The following HNRNPU variants were observed in gnomAD, a reference collection of about 807,000 sequenced individuals.
HNRNPU encodes the protein HNRNPU antisense RNA 1.
HNRNPU carries 5 observed loss-of-function variants against 94.7 expected under a neutral mutation model. That is an observed-to-expected ratio of 0.05 (90% confidence interval 0.03 to 0.11). HNRNPU has a LOEUF of 0.11. HNRNPU is among the 10% of genes least tolerant of loss of function. The pLI is 1.00. For missense variants in HNRNPU, 710 were observed against 1,049.2 expected (o/e 0.68, Z 4.47); for synonymous variants, 434 against 381.6 (o/e 1.14, Z -1.60).
intron 1 of HNRNPU, 87 bp downstream of exon 1, chr1:244,863,530 C>T (rs1680911675): frequency 2.4e-6 from 3 of 1,269,000 alleles, no homozygotes; most frequent in African/African-American, 3.1e-5. Context: ...GGGGCTCCCT[C>T]CCCCTGCGGG....
chr1:244,855,205 AATTTTTT>A (rs1241871620), intron 12 of HNRNPU, 161 bp from the exon 13 acceptor site: 1 of 716,620 alleles, frequency 1.4e-6, no homozygotes, highest in Non-Finnish European at 2.4e-6. Context: ...CTTATGTTTT[AATTTTTT>A]ATTCATTATG....
chr1:244,864,038 T>G lies in HNRNPU; in HGVS notation c.270A>C (p.Glu90Asp), dbSNP rs776529551. 1.2e-6 allele frequency: 2 copies of G among 1,610,032 alleles called. No individual in the cohort carries two copies. The highest frequency in any genetic ancestry group is 1.7e-6 in the Non-Finnish European group (2 of 1,178,432). ...AGGDEEEEEE[E>D]EEEEGISALD... The stretch of plus-strand genomic sequence containing the variant: ...GAGCGGAGATTCCTTCCTCCTCCTC[T>G]TCCTCTTCCTCCTCCTCTTCATCGC... The change falls in exon 1 of 14, where the codon GAA becomes GAC. Residue 90 changes from glutamate to aspartate, a missense_variant. Glu to Asp is a conservative substitution (Grantham distance 45, BLOSUM62 2). This residue lies in a region of HNRNPU where 292 missense variants were observed against 293.4 expected (regional missense o/e 1.00). Transcript: ENST00000640218.
At chr1:244,858,571 T>C (rs1680742279) in intron 6 of HNRNPU, 158 bp downstream of exon 6, 1 of 621,338 alleles carries the variant, frequency 1.6e-6, no homozygotes, top group East Asian at 2.8e-5. Context: ...GTCCTGTGTT[T>C]TCCCAATTCA....
In HNRNPU at chr1:244,850,728, T is replaced by C. The variant is rs935617211; in HGVS notation, c.*3722A>G. The C allele has an allele frequency of 6.6e-6, 1 of 152,136 alleles. No homozygotes were observed. Among genetic ancestry groups the C allele is most frequent in the African/African-American group, 2.4e-5 (1 of 41,424 alleles). 9.4% of individuals were successfully genotyped at this position (152,136 alleles called of 1,614,324 possible). A position where few individuals can be genotyped will look rare whatever the true frequency, so the allele number is the denominator to read the frequency against. ...TTGTCAGGCCTTAACATGTATGTGT[T>C]TGCTTTTATTATTACTAAAATGTTA... On this transcript the variant is annotated 3_prime_UTR_variant, in exon 14 of 14. Transcript: ENST00000640218.
At chr1:244,860,621 G>A in intron 3 of HNRNPU, 147 bp from the exon 4 acceptor site, 1 of 640,546 alleles carries the variant, frequency 1.6e-6, no homozygotes, top group East Asian at 2.9e-5. Flanking sequence ...CCAATTTTCA[G>A]TTTAAAGCCC....
At chr1:244,856,202 G>T in intron 10 of HNRNPU, 44 bp from the exon 11 acceptor site, 2 of 1,555,244 alleles carry the variant, frequency 1.3e-6, no homozygotes, top group South Asian at 2.4e-5. Flanking sequence ...AACCCACCAC[G>T]AATCCTCACA....
At chr1:244,859,185 A>G in intron 5 of HNRNPU, 90 bp downstream of exon 5, 1 of 701,836 alleles carries the variant, frequency 1.4e-6, no homozygotes, top group East Asian at 2.5e-5. Context: ...AAAACAGACA[A>G]AAGGCTTAGA....
intron 4 of HNRNPU, 58 bp downstream of exon 4, chr1:244,860,277 G>A (rs1027986694): frequency 6.7e-7 from 1 of 1,499,430 alleles, no homozygotes; most frequent in African/African-American, 1.4e-5. Context: ...ATCCAGCCTA[G>A]GGAACAGAGT....
intron 13 of HNRNPU, 39 bp from the exon 14 acceptor site, chr1:244,854,542 A>C (rs1439926492): frequency 7.7e-7 from 1 of 1,303,066 alleles, no homozygotes; most frequent in East Asian, 2.3e-5. Flanking sequence ...AAAAACATCA[A>C]TAAGCCACTC....
Position 244,862,548 on chromosome 1 carries a change from T to C in HNRNPU, c.804-14A>G. On this transcript the variant is annotated splice_polypyrimidine_tract_variant and intron_variant, in intron 2 of 13. Transcript: ENST00000640218. ...GGAGATTTGGCTCTGAAAGACAGAATTGTCTCCTGATACAGCTTTCCGATC... is the reference window on the plus strand; with the variant it reads ...GGAGATTTGGCTCTGAAAGACAGAACTGTCTCCTGATACAGCTTTCCGATC... The C allele has an allele frequency of 1.2e-6, 2 of 1,612,738 alleles. No homozygotes were observed. The highest frequency in any genetic ancestry group is 1.7e-6 in the Non-Finnish European group (2 of 1,178,738).
chr1:244,857,980 T>C, intron 7 of HNRNPU, 31 bp downstream of exon 7: 1 of 1,563,402 alleles, frequency 6.4e-7, no homozygotes, highest in Non-Finnish European at 8.6e-7. Flanking sequence ...AATATTCAAA[T>C]GCCACAGTTA....
chr1:244,860,361 T>C lies in HNRNPU; in HGVS notation c.991A>G (p.Lys331Glu), dbSNP rs375383329. Residue 331 changes from lysine (K) to glutamate (E), a missense_variant, in exon 4 of 14, where the codon AAA (lysine) becomes GAA (glutamate). Lys to Glu is a moderately conservative substitution (Grantham distance 56). This residue lies in a region of HNRNPU where 31 missense variants were observed against 86.8 expected (regional missense o/e 0.36). Coordinates refer to ENST00000640218, the MANE Select transcript of HNRNPU (RefSeq NM_031844.3). ...TTCATCTCAAAACACACTTTGCCTTTTGACACACCATAGGATGCTCTTCCT... is the reference window on the plus strand; with the variant it reads ...TTCATCTCAAAACACACTTTGCCTTCTGACACACCATAGGATGCTCTTCCT... The part of the protein sequence containing the change: ...AGGRASYGVS[K>E]GKVCFEMKVT... 8 of 1,610,006 alleles carry C rather than the reference T, an allele frequency of 5.0e-6. No individual in the cohort carries two copies. The highest frequency in any genetic ancestry group is 1.1e-5 in the South Asian group (1 of 90,112).
chr1:244,859,472 G>A (rs1680770078), intron 4 of HNRNPU, 98 bp from the exon 5 acceptor site: 2 of 625,146 alleles, frequency 3.2e-6, no homozygotes, highest in Admixed American at 5.1e-5. Flanking sequence ...TCTTCCTCTA[G>A]CTATAAATAC....
intron 5 of HNRNPU, 169 bp downstream of exon 5, chr1:244,859,106 A>G (rs1680757831): frequency 3.4e-6 from 2 of 581,004 alleles, no homozygotes; most frequent in African/African-American, 1.9e-5. Context: ...TAAAGGAACA[A>G]AAACTAAAAT....
rs1301596168 is a variant in HNRNPU, at chr1:244,856,624, G to A, written c.1745C>T (p.Thr582Ile). 6.2e-7 allele frequency: 1 copy of A among 1,611,666 alleles called. No individual in the cohort carries two copies. Among genetic ancestry groups the A allele is most frequent in the African/African-American group, 1.3e-5 (1 of 74,626 alleles). Residue 582 changes from threonine (T) to isoleucine (I), a missense_variant and splice_region_variant, in exon 10 of 14, where the codon ACA (threonine) becomes ATA (isoleucine). Physicochemically the swap from Thr to Ile is moderately conservative, Grantham distance 89 (BLOSUM62 -1). Around this residue, in one of 8 missense-constraint regions of HNRNPU, gnomAD observed 31 missense variants for 132.4 expected, o/e 0.23. Transcript: ENST00000640218. ...CCTCTGGGCAGCAGCAGACACATTT[G>A]TCTTTAAAAAAAGAAATTTATGTTT... ...RKKRNFILDQTNVSAAAQRRK... is the reference protein window; with the variant it reads ...RKKRNFILDQINVSAAAQRRK...
At position 244,858,272 on chromosome 1, in the gene HNRNPU, G is replaced by A; in HGVS notation, c.1233C>T (p.Asn411=). 1.2e-6 allele frequency: 2 copies of A among 1,611,936 alleles called. No homozygotes were observed. The highest frequency in any genetic ancestry group is 1.7e-4 in the Middle Eastern group (1 of 6,052). The change falls in exon 7 of 14, where the codon AAC becomes AAT. Residue 411 remains asparagine, a splice_region_variant and synonymous_variant. Transcript: ENST00000640218. ...DENDVITCFA[N]FESDEVELSY... ...AGAGTTCTACTTCATCACTTTCAAA[G>A]TTCTGTTACACAGAAAAAAATTCAA...
rs1558187841 is a variant in HNRNPU at position 244,858,753 on chromosome 1, T to C, written c.1206A>G (p.Glu402=). 1.9e-6 allele frequency: 3 copies of C among 1,587,438 alleles called. No individual in the cohort carries two copies. Among genetic ancestry groups the C allele is most frequent in the Non-Finnish European group, 2.6e-6 (3 of 1,156,318 alleles). Residue 402 remains glutamate (E), a synonymous_variant, in exon 6 of 14, where the codon GAA becomes GAG. Coordinates refer to ENST00000640218, the MANE Select transcript of HNRNPU (RefSeq NM_031844.3). The part of the protein sequence containing the change: ...ETEDYGEKFD[E]NDVITCFANF... Reference sequence around the variant, plus strand: ...CAGCAAAACATGTAATCACATCATTTTCATCAAACTTTTCTCCATAATCTT... The same window carrying C: ...CAGCAAAACATGTAATCACATCATTCTCATCAAACTTTTCTCCATAATCTT...
intron 1 of HNRNPU, 129 bp downstream of exon 1, chr1:244,863,487 CT>C (rs1376750569): frequency 8.8e-7 from 1 of 1,140,782 alleles, no homozygotes; most frequent in Non-Finnish European, 1.1e-6. Flanking sequence ...CCCGCGCCCC[CT>C]CCCCCACCCT....
intron 1 of HNRNPU, 105 bp from the exon 2 acceptor site, chr1:244,862,835 G>A: frequency 2.5e-6 from 2 of 799,772 alleles, no homozygotes; most frequent in Non-Finnish European, 4.4e-6. Flanking sequence ...CTTTTTAACT[G>A]AGGTTTTAAC....
Sources: allele counts gnomAD v4.1 joint callset, GRCh38; gene constraint gnomAD v4.1.1; regional missense constraint gnomAD v4.1.1; transcripts MANE v1.5; gene names NCBI Gene and HGNC (gene_info 2026-07-23, HGNC 2026-07-21).